Variants in SNTG1 observed in about 807,000 individuals in gnomAD.
SNTG1 encodes the protein syntrophin gamma 1.
In SNTG1, 39 loss-of-function variants were observed where a neutral mutation model predicts 74.7. The observed-to-expected ratio is 0.52, with a 90% CI of 0.40 to 0.68. The LOEUF is 0.68. Among genes scored for constraint, SNTG1 ranks in the 30% least tolerant of loss-of-function variants. SNTG1 has a pLI of 0.00. For synonymous variants in SNTG1, 254 were observed against 217.1 expected (o/e 1.17, Z -1.49); for missense variants, 685 against 609.5 (o/e 1.12, Z -1.30).
At chr8:50,298,039 A>C (rs1168399006) in intron 2 of SNTG1, among the ~76,000 whole-genome samples, 1 of 151,978 alleles carries the variant, frequency 6.6e-6, no homozygotes, top group Non-Finnish European at 1.5e-5. Context: ...AAGCTAAAAA[A>C]AAAAATCCAT....
At position 50,328,689 on chromosome 8, in the gene SNTG1, G is replaced by A. The variant is rs76802831; in HGVS notation, c.-27-65523G>A. 5.4e-3 allele frequency among the ~76,000 whole-genome samples: 820 copies of A among 152,246 alleles called. 11 individuals carry two copies. The highest frequency in any genetic ancestry group is 0.019 in the African/African-American group (786 of 41,542). The stretch of plus-strand genomic sequence containing the variant: ...GGGGATTACAGGTCCTTCCCTAGAT[G>A]TGTGGATTTTATAATGTGAGGTGAG... On this transcript the variant is annotated intron_variant, in intron 2 of 18. Coordinates refer to ENST00000642720, the MANE Select transcript of SNTG1 (RefSeq NM_018967.5).
At chr8:50,332,437 A>T (rs6994415) in intron 2 of SNTG1, among the ~76,000 whole-genome samples, 70,230 of 150,722 alleles carry the variant, frequency 0.47, 19,162 homozygotes, top group East Asian at 0.82. Flanking sequence ...ATTATTACTT[A>T]AGCCTTGTTT....
intron 2 of SNTG1, among the ~76,000 whole-genome samples, chr8:50,173,895 T>C (rs1238440714): frequency 6.6e-6 from 1 of 152,216 alleles, no homozygotes; most frequent in Non-Finnish European, 1.5e-5. Context: ...TAGGTATACA[T>C]GTGCCATGGT....
chr8:49,947,595 A>G, intron 1 of SNTG1, among the ~76,000 whole-genome samples: 1 of 152,176 alleles, frequency 6.6e-6, no homozygotes, highest in African/African-American at 2.4e-5. Flanking sequence ...ATGTAGATGA[A>G]CATATTTGTG....
intron 1 of SNTG1, among the ~76,000 whole-genome samples, chr8:50,171,624 A>C (rs144310828): frequency 1.3e-5 from 2 of 152,276 alleles, no homozygotes; most frequent in African/African-American, 4.8e-5. Flanking sequence ...TTAAGTTGAC[A>C]CTGAGTGTTA....
chr8:50,705,747 G>A (rs760576845), intron 16 of SNTG1, among the ~76,000 whole-genome samples: 2 of 152,150 alleles, frequency 1.3e-5, no homozygotes, highest in Non-Finnish European at 2.9e-5. Flanking sequence ...TTTCTTAAGT[G>A]TGAAGTTATA....
intron 2 of SNTG1, among the ~76,000 whole-genome samples, chr8:50,309,320 C>A: frequency 6.6e-6 from 1 of 150,738 alleles, no homozygotes. Context: ...TTTTTGAGTT[C>A]CTAAATATTA....
At chr8:50,492,327 G>A (rs1434798896) in intron 8 of SNTG1, among the ~76,000 whole-genome samples, 1 of 152,160 alleles carries the variant, frequency 6.6e-6, no homozygotes, top group African/African-American at 2.4e-5. Context: ...TTCCACAATG[G>A]TTGAACTAAT....
chr8:50,763,294 C>T (rs2095604228), intron 18 of SNTG1, among the ~76,000 whole-genome samples: 1 of 151,812 alleles, frequency 6.6e-6, no homozygotes, highest in South Asian at 2.1e-4. Flanking sequence ...GAACTGGAAA[C>T]CTGAAGCCCC....
At chr8:50,297,723 A>C (rs898530973) in intron 2 of SNTG1, among the ~76,000 whole-genome samples, 1 of 152,034 alleles carries the variant, frequency 6.6e-6, no homozygotes, top group Non-Finnish European at 1.5e-5. Context: ...AAACCTATTC[A>C]CTGTTATTTC....
rs118111482 is a variant in SNTG1 at position 50,020,853 on chromosome 8, C to T, written c.-103+108622C>T. 3.7e-4 allele frequency among the ~76,000 whole-genome samples: 57 copies of T among 152,188 alleles called. No individual in the cohort carries two copies. In the East Asian group the frequency reaches 9.3e-3, roughly 25 times the overall value. ...ATTATTTACTTATGTAGTTGATATG[C>T]CCATGGATTCTAAGAAATCTGATGG... On this transcript the variant is annotated intron_variant, in intron 1 of 18. Transcript: ENST00000642720.
chr8:50,648,690 A>T (rs749180409), intron 13 of SNTG1, among the ~76,000 whole-genome samples: 29 of 152,254 alleles, frequency 1.9e-4, no homozygotes, highest in South Asian at 4.1e-4. Flanking sequence ...ATTTAATAAA[A>T]TATATTGTAT....
At chr8:50,186,642 T>A (rs555893575) in intron 2 of SNTG1, among the ~76,000 whole-genome samples, 4 of 152,260 alleles carry the variant, frequency 2.6e-5, no homozygotes, top group African/African-American at 9.6e-5. Flanking sequence ...GAGCTTTTTT[T>A]CATATGTTTG....
intron 2 of SNTG1, among the ~76,000 whole-genome samples, chr8:50,392,450 G>T (rs757413459): frequency 6.6e-6 from 1 of 152,166 alleles, no homozygotes; most frequent in Non-Finnish European, 1.5e-5. Context: ...TTTAATGCCA[G>T]CTAAAATTGG....
chr8:50,301,868 T>G (rs59398708), intron 2 of SNTG1, among the ~76,000 whole-genome samples: 2 of 47,718 alleles, frequency 4.2e-5, no homozygotes, highest in Admixed American at 3.5e-4. Flanking sequence ...TTTTGTTTTT[T>G]TTTTTTGAGA....
intron 8 of SNTG1, chr8:50,490,721 T>C (rs13248847): frequency 0.86 from 130,782 of 152,362 alleles, 56,269 homozygotes; most frequent in Non-Finnish European, 0.89. Flanking sequence ...CAATGGCTCC[T>C]TTAGCTGACC....
chr8:49,975,394 T>A (rs1468531569), intron 1 of SNTG1, among the ~76,000 whole-genome samples: 1 of 152,184 alleles, frequency 6.6e-6, no homozygotes, highest in East Asian at 1.9e-4. Context: ...GGTGATATGA[T>A]ACAAAGCTAT....
chr8:50,530,658 C>T (rs989834668), intron 10 of SNTG1, among the ~76,000 whole-genome samples: 4 of 151,974 alleles, frequency 2.6e-5, no homozygotes, highest in African/African-American at 9.7e-5. Flanking sequence ...TTTTTTTAGC[C>T]AACTTTATTC....
At chr8:50,426,259 T>C (rs2093162040) in intron 4 of SNTG1, among the ~76,000 whole-genome samples, 1 of 152,156 alleles carries the variant, frequency 6.6e-6, no homozygotes. Context: ...TCTGTGACAC[T>C]GTATAAGAAT....
Sources: allele counts gnomAD v4.1 joint callset (sites outside exome capture counted in the v4.1 genomes callset), GRCh38; gene constraint gnomAD v4.1.1; transcripts MANE v1.5; gene names NCBI Gene and HGNC (gene_info 2026-07-23, HGNC 2026-07-21).